Variants in GASK1B observed in about 807,000 individuals in gnomAD.
The protein encoded by GASK1B is Golgi-associated kinase 1B.
Under a neutral mutation model 42.8 loss-of-function variants are expected in GASK1B, and 34 were observed. The observed-to-expected ratio is 0.79, with a 90% confidence interval of 0.60 to 1.06. The LOEUF (loss-of-function observed/expected upper bound fraction) is 1.06. Among genes scored for constraint, GASK1B ranks in the 50% least tolerant of loss-of-function variants. The pLI is 0.00. For synonymous variants in GASK1B, 262 were observed against 259.1 expected, an observed-to-expected ratio of 1.01 and a Z score of -0.11; for missense variants, 686 against 661.0, an observed-to-expected ratio of 1.04 and a Z score of -0.42.
chr4:158,146,212 A>T (rs1177741071), intron 3 of GASK1B, among the ~76,000 whole-genome samples: 2 of 151,956 alleles, frequency 1.3e-5, no homozygotes, highest in Non-Finnish European at 2.9e-5. Flanking sequence ...CTGCTGATAG[A>T]ATTGTTACAA....
At chr4:158,156,747 C>T (rs1336378533) in intron 2 of GASK1B, among the ~76,000 whole-genome samples, 1 of 152,046 alleles carries the variant, frequency 6.6e-6, no homozygotes, top group Non-Finnish European at 1.5e-5. Flanking sequence ...TTGCTTATAA[C>T]TCAAAAATCA....
intron 3 of GASK1B, among the ~76,000 whole-genome samples, chr4:158,152,153 C>G (rs1731581871): frequency 6.6e-6 from 1 of 152,156 alleles, no homozygotes; most frequent in Admixed American, 6.5e-5. Context: ...TGGCCACAGA[C>G]TGAATGCTGC....
chr4:158,160,126 A>AG (rs1731914905), intron 2 of GASK1B, among the ~76,000 whole-genome samples: 2 of 152,190 alleles, frequency 1.3e-5, no homozygotes, highest in Admixed American at 1.3e-4. Flanking sequence ...AAACAACTCT[A>AG]TAATACCCAT....
intron 2 of GASK1B, among the ~76,000 whole-genome samples, chr4:158,156,878 TCA>T (rs1731779978): frequency 3.3e-5 from 5 of 152,268 alleles, no homozygotes; most frequent in African/African-American, 1.2e-4. Flanking sequence ...TTCAGACTTG[TCA>T]CAGGAATTTT....
chr4:158,127,075 T>C lies in GASK1B; in HGVS notation c.*332A>G. 1 of 201,308 alleles carries C rather than the reference T, an allele frequency of 5.0e-6. No homozygotes were observed. The allele number at this position is 201,308 out of a possible 1,614,324, so 12.5% of individuals were successfully genotyped here. On this transcript the variant is annotated 3_prime_UTR_variant, in exon 5 of 5. Transcript: ENST00000585682. ...ATTAATGGAGTCAGTGTCTCTGGTT[T>C]GCAGTTTTCTATTAAACAGCATGAC...
chr4:158,130,397 T>C (rs2110925489), intron 4 of GASK1B, among the ~76,000 whole-genome samples: 1 of 152,316 alleles, frequency 6.6e-6, no homozygotes, highest in South Asian at 2.1e-4. Context: ...TGCACATCTA[T>C]TAGTTCTTCC....
chr4:158,127,914 G>A (rs182510047), intron 4 of GASK1B, among the ~76,000 whole-genome samples: 49 of 152,250 alleles, frequency 3.2e-4, no homozygotes, highest in African/African-American at 1.2e-3. Context: ...TAGATTGGCA[G>A]AAATACTTTT....
Position 158,171,497 on chromosome 4 carries a change from G to C in GASK1B, c.-122C>G. On this transcript the variant is annotated 5_prime_UTR_variant, in exon 2 of 5. Transcript: ENST00000585682. ...CTTCGGGATATAAGTGGTCTCCAGTGGGCAGAGGTGGAAGGAAAGGGTTGG... is the reference window on the plus strand; with the variant it reads ...CTTCGGGATATAAGTGGTCTCCAGTCGGCAGAGGTGGAAGGAAAGGGTTGG... 9.6e-7 allele frequency: 1 copy of C among 1,046,618 alleles called. No homozygotes were observed. The highest frequency in any genetic ancestry group is 1.3e-6 in the Non-Finnish European group (1 of 756,300). 64.8% of individuals were successfully genotyped at this position (1,046,618 alleles called of 1,614,324 possible).
At chr4:158,139,974 G>C in intron 3 of GASK1B, among the ~76,000 whole-genome samples, 1 of 152,112 alleles carries the variant, frequency 6.6e-6, no homozygotes, top group East Asian at 1.9e-4. Flanking sequence ...AAAATTAATA[G>C]ATTTTCATTG....
In GASK1B at chr4:158,170,787, G is replaced by C. The variant is rs1336551434; in HGVS notation, c.589C>G (p.Gln197Glu). The change falls in exon 2 of 5, where the codon CAG becomes GAG. Residue 197 changes from glutamine to glutamate, a missense_variant. By Grantham distance (29) the Gln-to-Glu change is conservative (BLOSUM62 2). Transcript: ENST00000585682. ...GVRAGGPDFL[Q>E]PSSRESNIRI... ...ATGTTGCTCTCCCTGGAGCTGGGCT[G>C]CAGGAAGTCTGGGCCCCCGGCTCGC... is the stretch of plus-strand genomic sequence containing the variant. 6.2e-7 allele frequency: 1 copy of C among 1,614,216 alleles called. No homozygotes were observed. Among genetic ancestry groups the C allele is most frequent in the Non-Finnish European group, 8.5e-7 (1 of 1,180,020 alleles).
chr4:158,145,125 G>T (rs977145255), intron 3 of GASK1B, among the ~76,000 whole-genome samples: 1 of 152,122 alleles, frequency 6.6e-6, no homozygotes, highest in Non-Finnish European at 1.5e-5. Context: ...CAGAAACAAA[G>T]ATCTTTCCAT....
At chr4:158,151,196 A>G (rs1731542948) in intron 3 of GASK1B, among the ~76,000 whole-genome samples, 1 of 152,258 alleles carries the variant, frequency 6.6e-6, no homozygotes, top group Non-Finnish European at 1.5e-5. Context: ...AAAGAGTCAT[A>G]AGAAAGCCTT....
Position 158,125,410 on chromosome 4 carries a change from A to G in GASK1B, c.*1997T>C, listed in dbSNP as rs1412681405. On this transcript the variant is annotated 3_prime_UTR_variant, in exon 5 of 5. Transcript: ENST00000585682. Reference sequence around the variant, plus strand: ...ATGATAAATTTGGATAAAGATGGTAAAAAAAAAAAAATGTTTTAAGCAGTA... The same window carrying G: ...ATGATAAATTTGGATAAAGATGGTAGAAAAAAAAAAATGTTTTAAGCAGTA... 1 of 29,210 alleles carries G rather than the reference A, an allele frequency of 3.4e-5. No individual in the cohort carries two copies. The highest frequency in any genetic ancestry group is 8.8e-5 in the Non-Finnish European group (1 of 11,404). The allele number at this position is 29,210 out of a possible 1,614,324, so 1.8% of individuals were successfully genotyped here. A position where few individuals can be genotyped will look rare whatever the true frequency, so the allele number is the denominator to read the frequency against.
At chr4:158,140,689 G>T (rs1579018280) in intron 3 of GASK1B, among the ~76,000 whole-genome samples, 1 of 152,330 alleles carries the variant, frequency 6.6e-6, no homozygotes, top group East Asian at 1.9e-4. Flanking sequence ...GCTTAGTGAA[G>T]AAGCCAATCC....
chr4:158,152,518 GA>G (rs1731596512), intron 3 of GASK1B, among the ~76,000 whole-genome samples: 1 of 151,094 alleles, frequency 6.6e-6, no homozygotes, highest in South Asian at 2.1e-4. Flanking sequence ...ACCCCAATAG[GA>G]AAACCAGGAA....
intron 3 of GASK1B, among the ~76,000 whole-genome samples, chr4:158,139,211 C>T (rs922935873): frequency 1.3e-5 from 2 of 152,180 alleles, no homozygotes; most frequent in Admixed American, 1.3e-4. Context: ...AAAGTTCTTG[C>T]TTTCATGAAG....
In GASK1B at chr4:158,149,985, C is replaced by T. The variant is rs186231426; in HGVS notation, c.1125+5626G>A. Among the ~76,000 whole-genome samples the T allele has an allele frequency of 3.9e-4, 45 of 114,118 alleles. No homozygotes were observed. In the East Asian group the frequency reaches 6.8e-3, roughly 17 times the overall value. 74.9% of individuals were successfully genotyped at this position (114,118 alleles called of 152,430 possible). ...TGTCGCCCAGTTTGGAGTGCAGTGG[C>T]GCGATCTCGGCTCACTGCAAGCTCC... On this transcript the variant is annotated intron_variant, in intron 3 of 4. Transcript: ENST00000585682.
At position 158,135,944 on chromosome 4, in the gene GASK1B, T is replaced by C. The variant is rs145233039; in HGVS notation, c.1126-4932A>G. Among the ~76,000 whole-genome samples the C allele has an allele frequency of 5.0e-3, 769 of 152,282 alleles. 9 individuals carry two copies. Among genetic ancestry groups the C allele is most frequent in the African/African-American group, 0.017 (725 of 41,556 alleles). Reference sequence around the variant, plus strand: ...AGTGTATTTGGCCAGTGCTTCTCTATGTAGACTATTGTTTTGTTTAAAAAA... The same window carrying C: ...AGTGTATTTGGCCAGTGCTTCTCTACGTAGACTATTGTTTTGTTTAAAAAA... On this transcript the variant is annotated intron_variant, in intron 3 of 4. Transcript: ENST00000585682.
intron 3 of GASK1B, among the ~76,000 whole-genome samples, chr4:158,131,888 C>A (rs991288839): frequency 6.6e-6 from 1 of 152,092 alleles, no homozygotes; most frequent in African/African-American, 2.4e-5. Context: ...CCTCGAACAC[C>A]TGGTAGAAAG....
Sources: allele counts gnomAD v4.1 joint callset (sites outside exome capture counted in the v4.1 genomes callset), GRCh38; gene constraint gnomAD v4.1.1; transcripts MANE v1.5; gene names NCBI Gene and HGNC (gene_info 2026-07-23, HGNC 2026-07-21).